The following CAPN12 variants were observed in gnomAD, a reference collection of about 807,000 sequenced individuals.
CAPN12 encodes the protein calpain 12.
CAPN12 carries 107 observed loss-of-function variants against 95.0 expected under a neutral mutation model. The observed-to-expected ratio is 1.13, with a 90% CI of 0.96 to 1.32. CAPN12 has a LOEUF of 1.32. Among genes scored for constraint, CAPN12 ranks in the 40% most tolerant of loss-of-function variants. CAPN12 has a pLI of 0.00. For missense variants in CAPN12, 1,136 were observed against 997.8 expected (o/e 1.14, Z -1.87); for synonymous variants, 505 against 415.5 (o/e 1.22, Z -2.62).
At chr19:38,732,297 T>G (rs1969681530) in intron 18 of CAPN12, among the ~76,000 whole-genome samples, 2 of 152,210 alleles carry the variant, frequency 1.3e-5, no homozygotes, top group South Asian at 2.1e-4. Context: ...TCCTTGGCTG[T>G]CTCTGACCCC....
In CAPN12 at chr19:38,738,569, C is replaced by T. The variant is rs762456752; in HGVS notation, c.804+5G>A. The T allele has an allele frequency of 5.6e-6, 9 of 1,614,022 alleles. No homozygotes were observed. In the South Asian group the frequency reaches 9.9e-5, roughly 18 times the overall value. ...CCTGCCACCCCACCCATGGGGGACA[C>T]TTACCTTGTGTGTGCCCGTGATGGA... On this transcript the variant is annotated splice_donor_5th_base_variant and intron_variant, in intron 6 of 20. Coordinates refer to ENST00000328867, the MANE Select transcript of CAPN12 (RefSeq NM_144691.4).
chr19:38,733,875 A>C (rs1599887448), intron 17 of CAPN12, 94 bp from the exon 18 acceptor site: 1 of 1,082,402 alleles, frequency 9.2e-7, no homozygotes, highest in African/African-American at 1.6e-5. Context: ...GCCCATCCCA[A>C]CTCCCTTTCT....
intron 18 of CAPN12, chr19:38,731,495 ACT>A (rs1969608427): frequency 3.9e-6 from 2 of 516,562 alleles, no homozygotes; most frequent in Non-Finnish European, 7.1e-6. Context: ...ATGTGTGGGT[ACT>A]GTTACTCCTT....
chr19:38,738,023 T>C (rs1003249375), intron 8 of CAPN12, among the ~76,000 whole-genome samples: 1 of 152,058 alleles, frequency 6.6e-6, no homozygotes, highest in African/African-American at 2.4e-5. Flanking sequence ...TCCCTTTCAA[T>C]CCTCCACAGA....
rs749141357 is a variant in CAPN12, at chr19:38,738,357, CTG to C, written c.891-12_891-11del. 24 of 1,611,870 alleles carry C rather than the reference CTG, an allele frequency of 1.5e-5. No homozygotes were observed. In the South Asian group the frequency reaches 1.9e-4, roughly 13 times the overall value. ...GTCCCAGCGTGGGCAGCTGGAGAGA[CTG>C]TGGTGTGAGGGGCGGGCAGGTGGGG... On this transcript the variant is annotated splice_polypyrimidine_tract_variant and intron_variant, in intron 7 of 20. Coordinates refer to ENST00000328867, the MANE Select transcript of CAPN12 (RefSeq NM_144691.4).
At chr19:38,731,296 C>T in intron 18 of CAPN12, 73 bp from the exon 19 acceptor site, 2 of 1,179,704 alleles carry the variant, frequency 1.7e-6, no homozygotes, top group South Asian at 2.4e-5. Flanking sequence ...CACCCCACCT[C>T]CTCAGGGAGG....
rs199879823 is a variant in CAPN12 at position 38,743,152 on chromosome 19, G to A, written c.238-50C>T. The A allele has an allele frequency of 2.2e-4, 351 of 1,607,656 alleles. 2 individuals are homozygous for A. The African/African-American group carries it at 4.3e-3, about 20-fold the overall frequency. ...CCTCAGCCTGAGAAAGCGAGGAAAGGTCTCATCCAGAGGAGTGAGGGCCTC... is the reference window on the plus strand; with the variant it reads ...CCTCAGCCTGAGAAAGCGAGGAAAGATCTCATCCAGAGGAGTGAGGGCCTC... On this transcript the variant is annotated intron_variant, in intron 1 of 20. Transcript: ENST00000328867.
intron 4 of CAPN12, among the ~76,000 whole-genome samples, chr19:38,741,171 T>G (rs1970523073): frequency 6.6e-6 from 1 of 152,126 alleles, no homozygotes; most frequent in African/African-American, 2.4e-5. Flanking sequence ...CCAGATTTGG[T>G]GAATCCAGGG....
At chr19:38,734,470 T>G (rs968723374) in intron 15 of CAPN12, 81 bp from the exon 16 acceptor site, 1 of 1,236,594 alleles carries the variant, frequency 8.1e-7, no homozygotes, top group Non-Finnish European at 1.1e-6. Context: ...GTGACTCCCT[T>G]AAGCAGGTGA....
chr19:38,736,822 T>G, intron 10 of CAPN12: 1 of 585,642 alleles, frequency 1.7e-6, no homozygotes, highest in Non-Finnish European at 3.0e-6. Flanking sequence ...CCTCTCTCTG[T>G]CCCTAACCTC....
At chr19:38,737,071 CTCCATG>C in intron 10 of CAPN12, 79 bp downstream of exon 10, 1 of 787,782 alleles carries the variant, frequency 1.3e-6, no homozygotes, top group South Asian at 2.2e-5. Flanking sequence ...GGCCCCGCCC[CTCCATG>C]CCTCCCCCGC....
At position 38,731,031 on chromosome 19, in the gene CAPN12, G is replaced by C; in HGVS notation, c.2075-8C>G. 6.4e-7 allele frequency: 1 copy of C among 1,555,656 alleles called. No homozygotes were observed. Among genetic ancestry groups the C allele is most frequent in the Non-Finnish European group, 8.7e-7 (1 of 1,150,138 alleles). ...GGTGCTGGCTGCAGTGGCCTGTGCA[G>C]AGAGGGGCAGGGTGAGTGCCCACCA... On this transcript the variant is annotated splice_region_variant and splice_polypyrimidine_tract_variant and intron_variant, in intron 19 of 20. Coordinates refer to ENST00000328867, the MANE Select transcript of CAPN12 (RefSeq NM_144691.4).
Position 38,737,261 on chromosome 19 carries a change from G to GC in CAPN12, c.1256dup (p.Arg420ProfsTer95), listed in dbSNP as rs763222994. 27 of 1,546,570 alleles carry GC rather than the reference G, an allele frequency of 1.7e-5. No homozygotes were observed. The highest frequency in any genetic ancestry group is 6.0e-5 in the South Asian group (5 of 83,992). ...GAAGGACCGTGCACTTGGGCGTGCGGCCCCCCCGCGCTGGGCCCCGTGCCC... is the reference window on the plus strand; with the variant it reads ...GAAGGACCGTGCACTTGGGCGTGCGGCCCCCCCCGCGCTGGGCCCCGTGCCC... On this transcript the variant is annotated frameshift_variant, in exon 10 of 21. Coordinates refer to ENST00000328867, the MANE Select transcript of CAPN12 (RefSeq NM_144691.4). LOFTEE classifies it high-confidence loss of function.
chr19:38,739,629 G>C (rs1970431199), intron 5 of CAPN12: 1 of 156,012 alleles, frequency 6.4e-6, no homozygotes, highest in Non-Finnish European at 1.4e-5. Flanking sequence ...TGTGTCATGG[G>C]GTCACAGATG....
intron 17 of CAPN12, 99 bp downstream of exon 17, chr19:38,734,043 C>A (rs959630543): frequency 7.6e-7 from 1 of 1,320,430 alleles, no homozygotes; most frequent in Non-Finnish European, 1.1e-6. Flanking sequence ...AGTCCAGTAC[C>A]CCCTCGTTCC....
intron 10 of CAPN12, 174 bp downstream of exon 10, chr19:38,736,982 G>A (rs1259547259): frequency 2.9e-4 from 23 of 80,440 alleles, no homozygotes; most frequent in African/African-American, 1.3e-3. Context: ...CCTCCTCCCC[G>A]ATCCTCTTCA....
At chr19:38,731,838 C>A (rs1372441909) in intron 18 of CAPN12, among the ~76,000 whole-genome samples, 1 of 152,238 alleles carries the variant, frequency 6.6e-6, no homozygotes, top group Non-Finnish European at 1.5e-5. Context: ...TCATTCTCTT[C>A]ACAAATATCT....
rs775825228 is a variant in CAPN12 at position 38,744,009 on chromosome 19, C to T, written c.157G>A (p.Ala53Thr). 9.3e-6 allele frequency: 15 copies of T among 1,614,128 alleles called. No individual in the cohort carries two copies. The African/African-American group carries it at 1.9e-4, about 20-fold the overall frequency. The change falls in exon 1 of 21, where the codon GCT becomes ACT. Residue 53 changes from alanine to threonine, a missense_variant. Coordinates refer to ENST00000328867, the MANE Select transcript of CAPN12 (RefSeq NM_144691.4). Reference protein sequence around the residue: ...GILFRDPYFPAGPDALGYDQL... With the variant: ...GILFRDPYFPTGPDALGYDQL... ...TCATAGCCAAGGGCATCAGGGCCAG[C>T]AGGGAAGTAAGGGTCGCGGAACAGG...
At chr19:38,734,252 G>T in intron 16 of CAPN12, 48 bp from the exon 17 acceptor site, 1 of 1,608,786 alleles carries the variant, frequency 6.2e-7, no homozygotes, top group East Asian at 2.2e-5. Context: ...CTCTCCAGAA[G>T]GGGAGGAGAG....
Sources: allele counts gnomAD v4.1 joint callset (sites outside exome capture counted in the v4.1 genomes callset), GRCh38; gene constraint gnomAD v4.1.1; transcripts MANE v1.5; gene names NCBI Gene and HGNC (gene_info 2026-07-23, HGNC 2026-07-21).